Variants in SRGAP2C observed in about 807,000 individuals in gnomAD.
The protein encoded by SRGAP2C is SLIT-ROBO Rho GTPase-activating protein 2C.
Under a neutral mutation model 25.1 loss-of-function variants are expected in SRGAP2C, and 15 were observed. That is an observed-to-expected ratio of 0.60 (90% CI 0.40 to 0.92). The LOEUF (loss-of-function observed/expected upper bound fraction) is 0.92. Ranked by LOEUF, SRGAP2C falls within the 40% of genes least tolerant of loss-of-function variation. The probability of loss-of-function intolerance (pLI) is 0.00; values close to 1 mark genes in which losing one functional copy is unlikely to be tolerated. For synonymous variants in SRGAP2C, 44 were observed against 96.6 expected (o/e 0.46, Z 3.19); for missense variants, 144 against 264.4 (o/e 0.54, Z 3.16).
intron 2 of SRGAP2C, among the ~76,000 whole-genome samples, chr1:121,190,192 G>A (rs587756796): frequency 6.6e-6 from 1 of 152,126 alleles, no homozygotes; most frequent in South Asian, 2.1e-4. Context: ...GAATTATTAT[G>A]AGTGTCAGCT....
At chr1:121,267,343 C>A (rs1656821765) in intron 2 of SRGAP2C, among the ~76,000 whole-genome samples, 1 of 150,882 alleles carries the variant, frequency 6.6e-6, no homozygotes, top group Non-Finnish European at 1.5e-5. Context: ...ACAGGTGCAC[C>A]ACCATGCCTG....
intron 4 of SRGAP2C, among the ~76,000 whole-genome samples, chr1:121,359,945 A>C (rs1311286756): frequency 2.6e-5 from 4 of 152,114 alleles, no homozygotes; most frequent in African/African-American, 9.7e-5. Flanking sequence ...ACTCTGTAAA[A>C]ATGCACCAAT....
intron 2 of SRGAP2C, among the ~76,000 whole-genome samples, chr1:121,258,498 T>C (rs2101526535): frequency 6.7e-6 from 1 of 148,436 alleles, no homozygotes; most frequent in East Asian, 2.0e-4. Context: ...GGAGTTTTGC[T>C]CCTGTTGCCC....
chr1:121,304,132 A>T (rs1418211780), intron 3 of SRGAP2C, among the ~76,000 whole-genome samples: 1 of 149,286 alleles, frequency 6.7e-6, no homozygotes, highest in Non-Finnish European at 1.5e-5. Context: ...AATGGGGTGA[A>T]CCCGGGAGGT....
rs1216279905 is a variant in SRGAP2C at position 121,294,595 on chromosome 1, T to G, written c.260+9600T>G. ...TAATTGATAATGCATTGGCTGTTTT[T>G]TTTTTTTTTTAAATAGACTTCCTGT... On this transcript the variant is annotated intron_variant, in intron 3 of 9. Transcript: ENST00000367123. Among the ~76,000 whole-genome samples, 2 of 87,936 alleles carry G rather than the reference T, an allele frequency of 2.3e-5. 1 individual carries two copies. The highest frequency in any genetic ancestry group is 5.1e-5 in the Non-Finnish European group (2 of 39,166). The allele number at this position is 87,936 out of a possible 152,430, so 57.7% of individuals were successfully genotyped here.
chr1:121,374,833 C>T lies in SRGAP2C; in HGVS notation c.710C>T (p.Ala237Val). Residue 237 changes from alanine (A) to valine (V), a missense_variant, in exon 7 of 10, where the codon GCC becomes GTC. This residue lies in a region of SRGAP2C where 34 missense variants were observed against 23.0 expected (regional missense o/e 1.48). Transcript: ENST00000367123. ...CTTCTGTTTCCTTTTCAGCACCAAGCCAAGTACACGGAGAATAAGCTGAAG... is the reference window on the plus strand; with the variant it reads ...CTTCTGTTTCCTTTTCAGCACCAAGTCAAGTACACGGAGAATAAGCTGAAG... Reference protein sequence around the residue: ...KIEKMKEKHQAKYTENKLKAI... With the variant: ...KIEKMKEKHQVKYTENKLKAI... The T allele has an allele frequency of 1.3e-6, 1 of 770,016 alleles. No individual in the cohort carries two copies. The highest frequency in any genetic ancestry group is 2.4e-6 in the Non-Finnish European group (1 of 412,928). 47.7% of individuals were successfully genotyped at this position (770,016 alleles called of 1,614,324 possible). A position where few individuals can be genotyped will look rare whatever the true frequency, so the allele number is the denominator to read the frequency against.
chr1:121,308,215 A>T (rs1365518484), intron 3 of SRGAP2C, among the ~76,000 whole-genome samples: 6 of 131,186 alleles, frequency 4.6e-5, no homozygotes, highest in African/African-American at 1.7e-4. Context: ...GGAGACCTGG[A>T]TTCTTGCCCT....
At chr1:121,280,559 A>G (rs1389117928) in intron 2 of SRGAP2C, among the ~76,000 whole-genome samples, 54 of 151,724 alleles carry the variant, frequency 3.6e-4, no homozygotes, top group Non-Finnish European at 4.4e-5. Flanking sequence ...GGAAAGGCTC[A>G]GTAAGATTTG....
chr1:121,210,311 G>A (rs28716958), intron 2 of SRGAP2C, among the ~76,000 whole-genome samples: 1 of 86,874 alleles, frequency 1.2e-5, no homozygotes, highest in Non-Finnish European at 2.3e-5. Context: ...AATTCCATCA[G>A]CGCTTTAAAA....
intron 3 of SRGAP2C, among the ~76,000 whole-genome samples, chr1:121,309,297 A>T (rs1260747286): frequency 2.9e-5 from 4 of 135,630 alleles, no homozygotes; most frequent in African/African-American, 5.5e-5. Flanking sequence ...TTATTTATTT[A>T]TTTTTTTAAA....
In SRGAP2C at chr1:121,185,007, G is replaced by A. The variant is rs372968865; in HGVS notation, c.-660G>A. The stretch of plus-strand genomic sequence containing the variant: ...TGCGGAGTTGGCGGAGGCGGCGGAG[G>A]CTCCTCCAGGGACTGGGGCACCGAT... On this transcript the variant is annotated 5_prime_UTR_variant, in exon 1 of 10. Transcript: ENST00000367123. The A allele has an allele frequency of 2.3e-4, 117 of 510,250 alleles. No individual in the cohort carries two copies. The East Asian group carries it at 3.2e-3, about 14-fold the overall frequency. 31.6% of individuals were successfully genotyped at this position (510,250 alleles called of 1,614,324 possible).
intron 3 of SRGAP2C, among the ~76,000 whole-genome samples, chr1:121,309,076 G>GGGCT (rs1657916336): frequency 1.5e-5 from 2 of 131,582 alleles, no homozygotes; most frequent in African/African-American, 5.7e-5. Flanking sequence ...TTGTTTTGTG[G>GGGCT]GTATGAATTC....
chr1:121,312,705 G>C (rs1386801625), intron 3 of SRGAP2C, among the ~76,000 whole-genome samples: 2 of 65,842 alleles, frequency 3.0e-5, no homozygotes, highest in Non-Finnish European at 3.1e-5. Flanking sequence ...TCAGGAGCAG[G>C]TTGTTCAGTT....
intron 1 of SRGAP2C, among the ~76,000 whole-genome samples, chr1:121,186,374 C>T (rs1457149544): frequency 4.3e-5 from 4 of 92,570 alleles, no homozygotes; most frequent in African/African-American, 1.2e-4. Flanking sequence ...CTTTTTCCTG[C>T]AGATTTGCCC....
chr1:121,329,188 G>A (rs1553341972), intron 4 of SRGAP2C, among the ~76,000 whole-genome samples: 3 of 150,806 alleles, frequency 2.0e-5, no homozygotes, highest in Non-Finnish European at 4.4e-5. Context: ...TTCAGTCTAG[G>A]CAACAGAGCA....
intron 3 of SRGAP2C, among the ~76,000 whole-genome samples, chr1:121,309,033 G>T (rs1302759181): frequency 1.5e-5 from 2 of 132,954 alleles, no homozygotes; most frequent in African/African-American, 5.6e-5. Flanking sequence ...ATTTTGAGAT[G>T]TATTTGTCTT....
At chr1:121,233,213 C>G (rs1655864027) in intron 2 of SRGAP2C, among the ~76,000 whole-genome samples, 1 of 102,706 alleles carries the variant, frequency 9.7e-6, no homozygotes, top group African/African-American at 3.6e-5. Flanking sequence ...GTGGTGCGAT[C>G]TTGGCTCATT....
At chr1:121,255,549 C>T (rs1210655793) in intron 2 of SRGAP2C, among the ~76,000 whole-genome samples, 4 of 149,210 alleles carry the variant, frequency 2.7e-5, no homozygotes, top group Non-Finnish European at 6.0e-5. Flanking sequence ...CTATGTCTTT[C>T]AGAACAAGAT....
chr1:121,202,164 A>G (rs1654999926), intron 2 of SRGAP2C, among the ~76,000 whole-genome samples: 1 of 152,142 alleles, frequency 6.6e-6, no homozygotes, highest in Admixed American at 6.5e-5. Flanking sequence ...TTTAAAGAAG[A>G]GACTTGATGA....
Sources: allele counts gnomAD v4.1 joint callset (sites outside exome capture counted in the v4.1 genomes callset), GRCh38; gene constraint gnomAD v4.1.1; regional missense constraint gnomAD v4.1.1; transcripts MANE v1.5; gene names NCBI Gene and HGNC (gene_info 2026-07-23, HGNC 2026-07-21).